Variants in BIN2 observed in about 807,000 individuals in gnomAD.
The protein encoded by BIN2 is bridging integrator 2, also known as breast cancer associated protein BRAP1.
BIN2 carries 43 observed loss-of-function variants against 67.9 expected under a neutral mutation model. The observed-to-expected ratio is 0.63, with a 90% confidence interval of 0.50 to 0.82. The LOEUF is 0.82. BIN2 is among the 40% of genes least tolerant of loss of function. BIN2 has a pLI of 0.00. For missense variants in BIN2, 581 were observed against 671.6 expected (o/e 0.87, Z 1.49); for synonymous variants, 244 against 246.8 (o/e 0.99, Z 0.11).
intron 2 of BIN2, 125 bp from the exon 3 acceptor site, chr12:51,303,266 T>G: frequency 3.0e-6 from 3 of 991,356 alleles, no homozygotes; most frequent in Non-Finnish European, 4.7e-6. Flanking sequence ...ATATTCACAA[T>G]TGTTATAAGT....
chr12:51,313,228 A>C (rs34027637), intron 2 of BIN2, among the ~76,000 whole-genome samples: 6,661 of 139,554 alleles, frequency 0.048, 422 homozygotes, highest in East Asian at 0.15. Context: ...GGAAGGCAGG[A>C]AGGCAGGCAG....
chr12:51,281,598 C>CTCAGG, intron 12 of BIN2, 70 bp from the exon 13 acceptor site: 1 of 1,510,992 alleles, frequency 6.6e-7, no homozygotes, highest in Admixed American at 1.7e-5. Flanking sequence ...AGGGGTTAAA[C>CTCAGG]TCAGTTTGCT....
At chr12:51,315,762 T>C (rs1186882347) in intron 1 of BIN2, among the ~76,000 whole-genome samples, 2 of 152,206 alleles carry the variant, frequency 1.3e-5, no homozygotes, top group Non-Finnish European at 1.5e-5. Context: ...GCTATCCATG[T>C]CTATCACCTC....
intron 1 of BIN2, among the ~76,000 whole-genome samples, chr12:51,318,262 CTT>C (rs1267935737): frequency 2.4e-4 from 31 of 131,736 alleles, no homozygotes; most frequent in Non-Finnish European, 1.8e-4. Context: ...TATCTCCATT[CTT>C]TTTTTTTTTT....
intron 2 of BIN2, among the ~76,000 whole-genome samples, chr12:51,311,224 C>A (rs1326761922): frequency 6.6e-6 from 1 of 150,778 alleles, no homozygotes; most frequent in Non-Finnish European, 1.5e-5. Flanking sequence ...GCTAATTTTT[C>A]TTATTTTTTG....
chr12:51,294,320 G>A (rs1945473390), intron 9 of BIN2, among the ~76,000 whole-genome samples: 1 of 152,194 alleles, frequency 6.6e-6, no homozygotes, highest in African/African-American at 2.4e-5. Context: ...GGTAATCCCA[G>A]CACTCTGGGA....
intron 8 of BIN2, among the ~76,000 whole-genome samples, 167 bp from the exon 9 acceptor site, chr12:51,296,045 C>T (rs531912451): frequency 1.2e-4 from 18 of 152,160 alleles, no homozygotes; most frequent in Admixed American, 6.5e-4. Flanking sequence ...GGTCCTGTCC[C>T]GCCACCCCCT....
intron 10 of BIN2, among the ~76,000 whole-genome samples, chr12:51,288,970 G>T (rs549856825): frequency 6.6e-6 from 1 of 151,828 alleles, no homozygotes; most frequent in Admixed American, 6.6e-5. Context: ...GGATGGTCTC[G>T]ATCTCCTGAC....
upstream of BIN2, chr12:51,324,611 G>T: frequency 1.5e-6 from 2 of 1,347,128 alleles, no homozygotes; most frequent in Non-Finnish European, 2.0e-6. Flanking sequence ...GGAACTGGTA[G>T]GGATAGAGTG....
chr12:51,283,552 ATCC>A (rs142331252), intron 12 of BIN2, among the ~76,000 whole-genome samples: 2,344 of 152,170 alleles, frequency 0.015, 72 homozygotes, highest in African/African-American at 0.054. Context: ...GGCTCAAGTG[ATCC>A]TCCTGCCTCA....
At chr12:51,308,331 C>T (rs1046195096) in intron 2 of BIN2, among the ~76,000 whole-genome samples, 1 of 152,184 alleles carries the variant, frequency 6.6e-6, no homozygotes, top group African/African-American at 2.4e-5. Flanking sequence ...ATCACTTCTG[C>T]TCTCTGAATC....
chr12:51,289,844 C>G (rs1464547738), intron 10 of BIN2, among the ~76,000 whole-genome samples: 2 of 151,734 alleles, frequency 1.3e-5, no homozygotes, highest in African/African-American at 4.8e-5. Context: ...TAAGGAGCAG[C>G]CTTTTCAAAA....
intron 2 of BIN2, among the ~76,000 whole-genome samples, chr12:51,307,843 T>C (rs920508063): frequency 1.3e-5 from 2 of 152,110 alleles, no homozygotes; most frequent in African/African-American, 4.8e-5. Context: ...TGTTGAAAAC[T>C]AGGGGGTACT....
intron 2 of BIN2, among the ~76,000 whole-genome samples, chr12:51,304,874 G>A (rs1565682651): frequency 1.3e-5 from 2 of 151,966 alleles, no homozygotes; most frequent in Non-Finnish European, 2.9e-5. Context: ...AAAATTAGCT[G>A]GGTGTGGTGG....
At chr12:51,284,607 G>C (rs773011542) in intron 12 of BIN2, 109 bp downstream of exon 12, 3 of 839,848 alleles carry the variant, frequency 3.6e-6, no homozygotes, top group Non-Finnish European at 6.0e-6. Flanking sequence ...TGCCCTAAGG[G>C]TATGGTTCAC....
intron 1 of BIN2, among the ~76,000 whole-genome samples, chr12:51,315,402 G>C (rs887766945): frequency 5.3e-5 from 8 of 152,246 alleles, no homozygotes; most frequent in Non-Finnish European, 1.0e-4. Flanking sequence ...TCTATCTCCT[G>C]ACCTCGTGAT....
intron 2 of BIN2, among the ~76,000 whole-genome samples, chr12:51,303,559 T>C (rs977299953): frequency 2.6e-5 from 4 of 152,180 alleles, no homozygotes; most frequent in Admixed American, 1.3e-4. Context: ...TCCTCCCCAA[T>C]ATCCTTCTCT....
chr12:51,306,234 A>C (rs1259958212), intron 2 of BIN2, among the ~76,000 whole-genome samples: 1 of 152,222 alleles, frequency 6.6e-6, no homozygotes, highest in Non-Finnish European at 1.5e-5. Flanking sequence ...ACATGAGGAC[A>C]CAGTCTTAAA....
chr12:51,301,601 C>A (rs1945726592), intron 5 of BIN2, among the ~76,000 whole-genome samples: 1 of 152,098 alleles, frequency 6.6e-6, no homozygotes, highest in Non-Finnish European at 1.5e-5. Flanking sequence ...CTCTCCCTCC[C>A]CAGCTGAAGT....
Sources: gnomAD v4.1 joint callset for allele counts (sites outside exome capture counted in the v4.1 genomes callset) on GRCh38, gnomAD v4.1.1 for gene constraint, MANE v1.5 for transcripts, NCBI Gene and HGNC (gene_info 2026-07-23, HGNC 2026-07-21) for gene names.